SEMA4D: variants seen among roughly 807,000 people sequenced by gnomAD.
The protein encoded by SEMA4D is semaphorin-4D.
A neutral mutation model predicts 74.8 loss-of-function variants in SEMA4D; 22 were observed. The observed-to-expected ratio is 0.29, with a 90% confidence interval of 0.21 to 0.42. The LOEUF (loss-of-function observed/expected upper bound fraction) is 0.42, where lower values mean the gene tolerates loss of function less well. Ranked by LOEUF, SEMA4D falls within the 10% of genes least tolerant of loss-of-function variation. The pLI is 1.00. For missense variants in SEMA4D, 937 were observed against 1,118.4 expected, an observed-to-expected ratio of 0.84 and a Z score of 2.31; for synonymous variants, 445 against 463.7, an observed-to-expected ratio of 0.96 and a Z score of 0.52.
intron 1 of SEMA4D, among the ~76,000 whole-genome samples, chr9:89,456,774 G>C (rs1856034353): frequency 1.3e-5 from 2 of 152,190 alleles, no homozygotes; most frequent in Admixed American, 1.3e-4. Flanking sequence ...TTTTTTAGTA[G>C]AGACGGGGTT....
At position 89,477,318 on chromosome 9, in the gene SEMA4D, A is replaced by C. The variant is rs538365643; in HGVS notation, c.-310+20601T>G. On this transcript the variant is annotated intron_variant, in intron 1 of 15. Transcript: ENST00000422704. Reference sequence around the variant, plus strand: ...TACACACATGCATGCACCCCCCCACACACACACAAACACACACGGCCTACT... The same window carrying C: ...TACACACATGCATGCACCCCCCCACCCACACACAAACACACACGGCCTACT... Among the ~76,000 whole-genome samples the C allele has an allele frequency of 1.2e-3, 188 of 151,934 alleles. 1 individual carries two copies. Among genetic ancestry groups the C allele is most frequent in the African/African-American group, 4.3e-3 (180 of 41,404 alleles).
chr9:89,383,226 G>A (rs1837594625), intron 13 of SEMA4D, among the ~76,000 whole-genome samples: 1 of 152,178 alleles, frequency 6.6e-6, no homozygotes, highest in Non-Finnish European at 1.5e-5. Flanking sequence ...ATGAATGACT[G>A]TGGGGGTTTC....
At chr9:89,488,611 G>A (rs535270611) in intron 1 of SEMA4D, among the ~76,000 whole-genome samples, 2 of 152,212 alleles carry the variant, frequency 1.3e-5, no homozygotes, top group South Asian at 2.1e-4. Context: ...GACCTCAGGT[G>A]TTCCACTCAC....
At chr9:89,362,276 C>G (rs1013679000) in exon 19 of SEMA4D, 1 of 1,548,708 alleles carries the variant, frequency 6.5e-7, no homozygotes, top group South Asian at 1.1e-5. Flanking sequence ...TGGCTGTGTT[C>G]AGAGCAGGCT....
At chr9:89,362,721 C>G (rs2132173844) in intron 18 of SEMA4D, among the ~76,000 whole-genome samples, 1 of 152,364 alleles carries the variant, frequency 6.6e-6, no homozygotes, top group Admixed American at 6.5e-5. Flanking sequence ...GCTGTAAATG[C>G]CCAGCCTTTG....
At chr9:89,428,130 C>T (rs1361020137) in intron 2 of SEMA4D, among the ~76,000 whole-genome samples, 1 of 152,094 alleles carries the variant, frequency 6.6e-6, no homozygotes, top group Non-Finnish European at 1.5e-5. Flanking sequence ...GGGCCTGCTG[C>T]TGTCCGTCTG....
Position 89,388,975 on chromosome 9 carries a change from G to T in SEMA4D, c.847C>A (p.Arg283=). ...SFLKARLICS[R]PDSGLVFNVL... Reference sequence around the variant, plus strand: ...TTGAAGACCAAGCCGCTGTCTGGCCGGGAGCAGATGAGTCGGGCTTTCAGG... The same window carrying T: ...TTGAAGACCAAGCCGCTGTCTGGCCTGGAGCAGATGAGTCGGGCTTTCAGG... Residue 283 remains arginine, a synonymous_variant, in exon 10 of 16, where the codon CGG becomes AGG. Coordinates refer to ENST00000422704, the MANE Select transcript of SEMA4D (RefSeq NM_001371194.2). 6.2e-7 allele frequency: 1 copy of T among 1,614,018 alleles called. No individual in the cohort carries two copies. The highest frequency in any genetic ancestry group is 8.5e-7 in the Non-Finnish European group (1 of 1,179,990).
exon 19 of SEMA4D, chr9:89,361,513 A>G (rs529122820): frequency 1.3e-5 from 2 of 152,318 alleles, no homozygotes; most frequent in East Asian, 3.9e-4. Flanking sequence ...GGACAAGTTC[A>G]CACACACAGT....
intron 16 of SEMA4D, among the ~76,000 whole-genome samples, chr9:89,370,420 G>C (rs1411340652): frequency 6.6e-6 from 1 of 150,716 alleles, no homozygotes; most frequent in Non-Finnish European, 1.5e-5. Context: ...TGGTGTGTTT[G>C]TGGTGTGTGG....
chr9:89,449,217 T>C (rs1009448373), intron 2 of SEMA4D, among the ~76,000 whole-genome samples: 16 of 152,212 alleles, frequency 1.1e-4, no homozygotes, highest in Admixed American at 9.2e-4. Context: ...TGTAATTGTC[T>C]GCAAAAATGC....
chr9:89,405,627 G>A lies in SEMA4D; in HGVS notation c.-171C>T. On this transcript the variant is annotated 5_prime_UTR_variant, in exon 3 of 16. Transcript: ENST00000422704. ...GAATCCACATTTCCCAGTTCTCCAG[G>A]TGAGGAGGGGTCGCTCTCACCACCG... 7.0e-7 allele frequency: 1 copy of A among 1,435,116 alleles called. No homozygotes were observed. 88.9% of individuals were successfully genotyped at this position (1,435,116 alleles called of 1,614,324 possible). A position where few individuals can be genotyped will look rare whatever the true frequency, so the allele number is the denominator to read the frequency against.
chr9:89,412,342 G>A (rs1019239439), intron 2 of SEMA4D, among the ~76,000 whole-genome samples: 2 of 152,188 alleles, frequency 1.3e-5, no homozygotes, highest in Non-Finnish European at 2.9e-5. Flanking sequence ...ATCCCCAAAC[G>A]AATGTGGCTG....
rs75018594 is a variant in SEMA4D at position 89,386,727 on chromosome 9, T to C, written c.1331-245A>G. 65 of 412,628 alleles carry C rather than the reference T, an allele frequency of 1.6e-4. No individual in the cohort carries two copies. The East Asian group carries it at 3.0e-3, about 19-fold the overall frequency. 25.6% of individuals were successfully genotyped at this position (412,628 alleles called of 1,614,324 possible). On this transcript the variant is annotated intron_variant, in intron 12 of 15. Transcript: ENST00000422704. ...CAAGGAAAATAAACTGTTCCATGGT[T>C]GACCCCAAGAATCCTCACCAACAGT...
rs551704788 is a variant in SEMA4D, at chr9:89,466,912, TTC to T, written c.-309-10961_-309-10960del. Among the ~76,000 whole-genome samples, 464 of 152,306 alleles carry T rather than the reference TTC, an allele frequency of 3.0e-3. 3 individuals carry two copies. The highest frequency in any genetic ancestry group is 0.011 in the African/African-American group (440 of 41,564). On this transcript the variant is annotated intron_variant, in intron 1 of 15. Transcript: ENST00000422704. ...GTCTTGTTACTCTATAACTAGAAGTTTCTGAGCCACCAGCTCCAGAATGCAAG... is the reference window on the plus strand; with the variant it reads ...GTCTTGTTACTCTATAACTAGAAGTTTGAGCCACCAGCTCCAGAATGCAAG...
At chr9:89,477,024 G>A (rs1861910716) in intron 1 of SEMA4D, among the ~76,000 whole-genome samples, 1 of 152,112 alleles carries the variant, frequency 6.6e-6, no homozygotes, top group African/African-American at 2.4e-5. Context: ...AGACAAGCTG[G>A]AGGCATGGAG....
In SEMA4D at chr9:89,391,349, C is replaced by T; in HGVS notation, c.689G>A (p.Arg230Lys). Reference sequence around the variant, plus strand: ...CACCTCCGTGAAGAAGAAGTAGACCCTGTCATCCTCGCCGTCGGGGCTGTC... The same window carrying T: ...CACCTCCGTGAAGAAGAAGTAGACCTTGTCATCCTCGCCGTCGGGGCTGTC... ...SPDSPDGEDD[R>K]VYFFFTEVSV... Residue 230 changes from arginine (R) to lysine (K), a missense_variant, in exon 9 of 16, where the codon AGG becomes AAG. Arg to Lys is a conservative substitution (Grantham distance 26). Coordinates refer to ENST00000422704, the MANE Select transcript of SEMA4D (RefSeq NM_001371194.2). The T allele has an allele frequency of 6.2e-7, 1 of 1,614,278 alleles. No homozygotes were observed. Among genetic ancestry groups the T allele is most frequent in the Non-Finnish European group, 8.5e-7 (1 of 1,180,052 alleles).
In SEMA4D at chr9:89,387,552, G is replaced by C; in HGVS notation, c.1164C>G (p.Asp388Glu). 2 of 1,614,230 alleles carry C rather than the reference G, an allele frequency of 1.2e-6. No homozygotes were observed. Residue 388 changes from aspartate to glutamate, a missense_variant, in exon 12 of 16, where the codon GAC becomes GAG. Asp to Glu is a conservative substitution (Grantham distance 45, BLOSUM62 2). Transcript: ENST00000422704. ...GGTCTTTAACGAACTGCAGCGTCTTGTCTGGCAAATTCAAGGAGCTGGTGT... is the reference window on the plus strand; with the variant it reads ...GGTCTTTAACGAACTGCAGCGTCTTCTCTGGCAAATTCAAGGAGCTGGTGT... ...ANYTSSLNLPDKTLQFVKDHP... is the reference protein window; with the variant it reads ...ANYTSSLNLPEKTLQFVKDHP...
At chr9:89,383,249 C>T (rs1837599362) in intron 13 of SEMA4D, among the ~76,000 whole-genome samples, 2 of 152,184 alleles carry the variant, frequency 1.3e-5, no homozygotes, top group Non-Finnish European at 2.9e-5. Context: ...ACATGACTCC[C>T]CTGGGAGGTG....
At chr9:89,383,939 G>C (rs1837791181) in intron 13 of SEMA4D, among the ~76,000 whole-genome samples, 1 of 152,074 alleles carries the variant, frequency 6.6e-6, no homozygotes, top group South Asian at 2.1e-4. Flanking sequence ...TCCCATCTCT[G>C]TCTCTGCTGC....
Sources: allele counts gnomAD v4.1 joint callset (sites outside exome capture counted in the v4.1 genomes callset), GRCh38; gene constraint gnomAD v4.1.1; transcripts MANE v1.5; gene names NCBI Gene and HGNC (gene_info 2026-07-23, HGNC 2026-07-21).